Variants in NR3C2 observed in about 807,000 individuals in gnomAD.
NR3C2 encodes mineralocorticoid receptor.
In NR3C2, 15 loss-of-function variants were observed where a neutral mutation model predicts 86.4. The observed-to-expected ratio is 0.17, with a 90% CI of 0.12 to 0.27. The LOEUF is 0.27. NR3C2 is among the 10% of genes least tolerant of loss of function. NR3C2 has a pLI of 1.00. For synonymous variants in NR3C2, 458 were observed against 450.5 expected (o/e 1.02, Z -0.21); for missense variants, 960 against 1,195.6 (o/e 0.80, Z 2.91).
chr4:148,260,142 A>G, intron 2 of NR3C2, 25 bp from the exon 3 acceptor site: 1 of 1,613,764 alleles, frequency 6.2e-7, no homozygotes, highest in Non-Finnish European at 8.5e-7. Context: ...TGAGATTTAA[A>G]TAACTACACC....
chr4:148,291,806 C>T (rs1453255772), intron 2 of NR3C2, among the ~76,000 whole-genome samples: 2 of 152,064 alleles, frequency 1.3e-5, no homozygotes, highest in South Asian at 2.1e-4. Flanking sequence ...AAATTGAAAA[C>T]ACTGTAAACT....
intron 2 of NR3C2, among the ~76,000 whole-genome samples, chr4:148,374,847 A>G (rs1231420173): frequency 6.6e-6 from 1 of 152,188 alleles, no homozygotes. Context: ...ATCCCCCTGT[A>G]TCTCCCAAAA....
At chr4:148,319,837 A>C (rs1743457844) in intron 2 of NR3C2, among the ~76,000 whole-genome samples, 1 of 146,914 alleles carries the variant, frequency 6.8e-6, no homozygotes, top group Non-Finnish European at 1.5e-5. Context: ...GGACAATTTG[A>C]CTTCCTCTTT....
chr4:148,353,738 T>C lies in NR3C2; in HGVS notation c.1757+81366A>G, dbSNP rs183579310. 6.6e-5 allele frequency among the ~76,000 whole-genome samples: 10 copies of C among 152,284 alleles called. No homozygotes were observed. The East Asian group carries it at 1.7e-3, about 26-fold the overall frequency. On this transcript the variant is annotated intron_variant, in intron 2 of 8. Transcript: ENST00000358102. ...AGACCATCACTGCTGCTCAGAACAA[T>C]AGACTCTCTGTATGTGAGTCATATT...
chr4:148,305,297 TCTC>T (rs1318313816), intron 2 of NR3C2, among the ~76,000 whole-genome samples: 1 of 152,098 alleles, frequency 6.6e-6, no homozygotes, highest in Non-Finnish European at 1.5e-5. Flanking sequence ...TCTACTCCAT[TCTC>T]CTCAGAATAA....
At chr4:148,177,092 C>T (rs1735413654) in intron 4 of NR3C2, among the ~76,000 whole-genome samples, 1 of 152,126 alleles carries the variant, frequency 6.6e-6, no homozygotes, top group African/African-American at 2.4e-5. Context: ...CTTTTAAGAA[C>T]CTCTCTGTCA....
intron 2 of NR3C2, among the ~76,000 whole-genome samples, chr4:148,431,746 CT>C (rs1242009290): frequency 6.6e-6 from 1 of 152,080 alleles, no homozygotes; most frequent in African/African-American, 2.4e-5. Context: ...ATCATTTTTC[CT>C]ATTTGAATAG....
intron 6 of NR3C2, among the ~76,000 whole-genome samples, chr4:148,142,101 T>C (rs925428473): frequency 6.6e-6 from 1 of 152,136 alleles, no homozygotes; most frequent in African/African-American, 2.4e-5. Flanking sequence ...GAAAGGTTAA[T>C]TTGGCTGGTG....
chr4:148,361,706 G>A (rs1481483203), intron 2 of NR3C2, among the ~76,000 whole-genome samples: 1 of 151,952 alleles, frequency 6.6e-6, no homozygotes, highest in Non-Finnish European at 1.5e-5. Context: ...CAGCCTTCAG[G>A]GTCCTCCCTT....
At chr4:148,384,033 T>C (rs984782860) in intron 2 of NR3C2, among the ~76,000 whole-genome samples, 2 of 151,826 alleles carry the variant, frequency 1.3e-5, no homozygotes, top group Non-Finnish European at 2.9e-5. Flanking sequence ...AATTGGGTTT[T>C]TGTTGGTTTG....
chr4:148,445,050 C>G (rs1352561599), upstream of NR3C2: 2 of 966,328 alleles, frequency 2.1e-6, no homozygotes, highest in Admixed American at 6.2e-5. Context: ...GGCACCGCGT[C>G]CGGCCACCCG....
At chr4:148,140,855 T>G (rs926401904) in intron 6 of NR3C2, among the ~76,000 whole-genome samples, 1 of 152,246 alleles carries the variant, frequency 6.6e-6, no homozygotes, top group Non-Finnish European at 1.5e-5. Context: ...ATATTTGTTT[T>G]GCTTTAATTT....
At chr4:148,326,714 C>T (rs373572484) in intron 2 of NR3C2, among the ~76,000 whole-genome samples, 3 of 151,902 alleles carry the variant, frequency 2.0e-5, no homozygotes, top group South Asian at 4.2e-4. Context: ...TTAAATGATA[C>T]ATTAGAGACA....
intron 2 of NR3C2, among the ~76,000 whole-genome samples, chr4:148,283,916 CGA>C (rs1355493884): frequency 6.6e-6 from 1 of 152,172 alleles, no homozygotes; most frequent in East Asian, 1.9e-4. Context: ...ACTGAGACTG[CGA>C]GTGATTACCA....
chr4:148,334,951 G>A (rs1273900250), intron 2 of NR3C2, among the ~76,000 whole-genome samples: 2 of 152,130 alleles, frequency 1.3e-5, no homozygotes, highest in Non-Finnish European at 2.9e-5. Context: ...TCTAATCTCT[G>A]CCTTCATCTT....
chr4:148,196,071 T>C (rs988843767), intron 3 of NR3C2, among the ~76,000 whole-genome samples: 2 of 152,148 alleles, frequency 1.3e-5, no homozygotes, highest in African/African-American at 2.4e-5. Context: ...GCAATTATTG[T>C]AACCTACGGG....
chr4:148,133,970 C>T (rs1733157484), intron 6 of NR3C2, among the ~76,000 whole-genome samples: 1 of 152,172 alleles, frequency 6.6e-6, no homozygotes, highest in South Asian at 2.1e-4. Flanking sequence ...GCTAAAGCTC[C>T]AGAGACTCTG....
intron 2 of NR3C2, among the ~76,000 whole-genome samples, chr4:148,289,395 C>A (rs937531975): frequency 1.3e-5 from 2 of 151,744 alleles, no homozygotes. Context: ...CATCAAAGAA[C>A]ATTTTTAAAA....
chr4:148,084,823 A>G (rs1233900796), intron 8 of NR3C2, among the ~76,000 whole-genome samples: 15 of 152,300 alleles, frequency 9.8e-5, no homozygotes, highest in East Asian at 5.8e-4. Context: ...AGGAAGATTT[A>G]CCAAGCAAAT....
Sources: gnomAD v4.1 joint callset for allele counts (sites outside exome capture counted in the v4.1 genomes callset) on GRCh38, gnomAD v4.1.1 for gene constraint, MANE v1.5 for transcripts, NCBI Gene and HGNC (gene_info 2026-07-23, HGNC 2026-07-21) for gene names.